The following HECW1 variants were observed in gnomAD, a reference collection of about 807,000 sequenced individuals.
HECW1 encodes the protein E3 ubiquitin-protein ligase HECW1.
In HECW1, 61 loss-of-function variants were observed where a neutral mutation model predicts 182.3. The ratio of observed to expected loss-of-function variants is 0.33; its 90% CI spans 0.27 to 0.41. HECW1 has a LOEUF of 0.41. Among genes scored for constraint, HECW1 ranks in the 10% least tolerant of loss-of-function variants. HECW1 has a pLI of 1.00. For synonymous variants in HECW1, 859 were observed against 832.6 expected, an observed-to-expected ratio of 1.03 and a Z score of -0.55; for missense variants, 1,739 against 2,108.9, an observed-to-expected ratio of 0.82 and a Z score of 3.44.
At chr7:43,381,937 T>C (rs1240944176) in intron 6 of HECW1, among the ~76,000 whole-genome samples, 1 of 152,112 alleles carries the variant, frequency 6.6e-6, no homozygotes, top group Non-Finnish European at 1.5e-5. Flanking sequence ...GTGCTCTGAT[T>C]ACAGGTGTGA....
chr7:43,263,331 G>A (rs1335351151), intron 3 of HECW1, among the ~76,000 whole-genome samples: 3 of 152,122 alleles, frequency 2.0e-5, no homozygotes, highest in Non-Finnish European at 4.4e-5. Context: ...ACAAGCCATG[G>A]AATTGCTAAA....
At chr7:43,389,180 A>G (rs965234241) in intron 6 of HECW1, among the ~76,000 whole-genome samples, 55 of 152,346 alleles carry the variant, frequency 3.6e-4, no homozygotes, top group African/African-American at 1.2e-3. Flanking sequence ...TAAGATGTCT[A>G]TCTTTCCATT....
intron 6 of HECW1, among the ~76,000 whole-genome samples, chr7:43,370,624 G>T (rs1218598411): frequency 6.6e-6 from 1 of 152,020 alleles, no homozygotes. Flanking sequence ...TAGCAGGCAA[G>T]CAGATAAATT....
At chr7:43,321,392 T>C (rs1177503441) in intron 5 of HECW1, among the ~76,000 whole-genome samples, 2 of 152,212 alleles carry the variant, frequency 1.3e-5, no homozygotes, top group East Asian at 3.9e-4. Flanking sequence ...GCTTTTTTCA[T>C]GGGTCCCCAT....
chr7:43,316,276 C>T (rs946152012), intron 4 of HECW1, among the ~76,000 whole-genome samples: 4 of 152,158 alleles, frequency 2.6e-5, no homozygotes, highest in African/African-American at 4.8e-5. Flanking sequence ...AGGAACTTTT[C>T]TGTACATGTT....
At chr7:43,539,123 T>A (rs1028902194) in intron 24 of HECW1, among the ~76,000 whole-genome samples, 1 of 152,256 alleles carries the variant, frequency 6.6e-6, no homozygotes, top group African/African-American at 2.4e-5. Flanking sequence ...TAATTGAACA[T>A]CCTTAATCAT....
chr7:43,189,246 A>G (rs1433767144), intron 2 of HECW1, among the ~76,000 whole-genome samples: 2 of 152,224 alleles, frequency 1.3e-5, no homozygotes, highest in East Asian at 1.9e-4. Flanking sequence ...AGGCCATATC[A>G]TAACTACTCA....
chr7:43,448,115 A>G (rs1484844822), intron 11 of HECW1, among the ~76,000 whole-genome samples: 1 of 152,172 alleles, frequency 6.6e-6, no homozygotes, highest in Non-Finnish European at 1.5e-5. Context: ...CAACTGGGCA[A>G]CAAGAGCAGA....
intron 17 of HECW1, among the ~76,000 whole-genome samples, chr7:43,488,255 A>G (rs1225556043): frequency 6.6e-6 from 1 of 151,288 alleles, no homozygotes; most frequent in African/African-American, 2.4e-5. Context: ...GGTTGCAGTG[A>G]GCCAAGATCG....
At position 43,372,069 on chromosome 7, in the gene HECW1, G is replaced by A. The variant is rs536704415; in HGVS notation, c.555+11089G>A. Among the ~76,000 whole-genome samples the A allele has an allele frequency of 1.6e-4, 25 of 152,228 alleles. No homozygotes were observed. In the East Asian group the frequency reaches 2.1e-3, roughly 13 times the overall value. ...ACTCCTGACCTCAGGAGATCTGCCC[G>A]TCTCAGCCTCCCAAAGTGCTGGGAT... On this transcript the variant is annotated intron_variant, in intron 6 of 29. Transcript: ENST00000395891.
chr7:43,206,193 A>G (rs967915915), intron 2 of HECW1, among the ~76,000 whole-genome samples: 10 of 152,198 alleles, frequency 6.6e-5, no homozygotes, highest in African/African-American at 2.2e-4. Context: ...GTGCACTCAC[A>G]AGGGAGCATT....
intron 6 of HECW1, among the ~76,000 whole-genome samples, chr7:43,375,909 GA>G (rs2074304783): frequency 2.1e-5 from 3 of 144,226 alleles, no homozygotes; most frequent in African/African-American, 7.7e-5. Flanking sequence ...AAAAAAAAAG[GA>G]AAAAAAGCTC....
chr7:43,376,662 C>T (rs1170559930), intron 6 of HECW1, among the ~76,000 whole-genome samples: 2 of 152,116 alleles, frequency 1.3e-5, no homozygotes, highest in South Asian at 2.1e-4. Context: ...GTCAGGAGTT[C>T]GAGATCAGCC....
At chr7:43,115,478 T>C (rs1784968426) in intron 2 of HECW1, among the ~76,000 whole-genome samples, 1 of 152,198 alleles carries the variant, frequency 6.6e-6, no homozygotes, top group Non-Finnish European at 1.5e-5. Flanking sequence ...TTGTTTCTAA[T>C]GAGACACTCT....
chr7:43,183,726 A>G (rs530280576), intron 2 of HECW1, among the ~76,000 whole-genome samples: 2 of 152,314 alleles, frequency 1.3e-5, no homozygotes, highest in South Asian at 4.1e-4. Flanking sequence ...GTATAATTCA[A>G]ATTGAATGTT....
intron 19 of HECW1, among the ~76,000 whole-genome samples, chr7:43,495,047 C>A (rs2079064440): frequency 6.6e-6 from 1 of 152,070 alleles, no homozygotes; most frequent in Non-Finnish European, 1.5e-5. Flanking sequence ...TTTAGTATTT[C>A]TTTTTCTTTG....
rs372665438 is a variant in HECW1 at position 43,445,542 on chromosome 7, C to T, written c.2370C>T (p.Pro790=). ...VERSPEGLES[P]VAGPSNRREG... ...GAAGCCCGGAAGGTCTGGAATCCCCCGTGGCAGGTCCAAGCAATCGGAGAG... is the reference window on the plus strand; with the variant it reads ...GAAGCCCGGAAGGTCTGGAATCCCCTGTGGCAGGTCCAAGCAATCGGAGAG... The change falls in exon 11 of 30, where the codon CCC becomes CCT. Residue 790 remains proline, a synonymous_variant. Coordinates refer to ENST00000395891, the MANE Select transcript of HECW1 (RefSeq NM_015052.5). 8.7e-6 allele frequency: 14 copies of T among 1,600,274 alleles called. No homozygotes were observed. The African/African-American group carries it at 1.9e-4, about 21-fold the overall frequency.
At chr7:43,378,342 G>A (rs997809256) in intron 6 of HECW1, among the ~76,000 whole-genome samples, 1 of 152,226 alleles carries the variant, frequency 6.6e-6, no homozygotes, top group Non-Finnish European at 1.5e-5. Context: ...GACTTGTCAG[G>A]AATAGGATTA....
rs1211599843 is a variant in HECW1, at chr7:43,248,675, CTCCTCCTCCTCCTCCTCCTTT to C, written c.27+4763_27+4783del. 2.2e-5 allele frequency: 3 copies of C among 137,002 alleles called. No homozygotes were observed. The Admixed American group carries it at 2.3e-4, about 11-fold the overall frequency. 8.5% of individuals were successfully genotyped at this position (137,002 alleles called of 1,614,324 possible). A position where few individuals can be genotyped will look rare whatever the true frequency, so the allele number is the denominator to read the frequency against. On this transcript the variant is annotated intron_variant, in intron 3 of 29. Coordinates refer to ENST00000395891, the MANE Select transcript of HECW1 (RefSeq NM_015052.5). Reference sequence around the variant, plus strand: ...AAGGCCGGCTGCTTTACTCTCCCTCCTCCTCCTCCTCCTCCTCCTTTTCCTCCTCCTCCTCCTCCTCCTCCT... The same window carrying C: ...AAGGCCGGCTGCTTTACTCTCCCTCCTCCTCCTCCTCCTCCTCCTCCTCCT...
Sources: gnomAD v4.1 joint callset for allele counts (sites outside exome capture counted in the v4.1 genomes callset) on GRCh38, gnomAD v4.1.1 for gene constraint, MANE v1.5 for transcripts, NCBI Gene and HGNC (gene_info 2026-07-23, HGNC 2026-07-21) for gene names.